Variants in CDC42BPB observed in about 807,000 individuals in gnomAD.
CDC42BPB encodes the protein serine/threonine-protein kinase MRCK beta.
Under a neutral mutation model 214.9 loss-of-function variants are expected in CDC42BPB, and 37 were observed. That is an observed-to-expected ratio of 0.17 (90% CI 0.13 to 0.23). The LOEUF (loss-of-function observed/expected upper bound fraction) is 0.23, where lower values mean the gene tolerates loss of function less well. CDC42BPB is among the 10% of genes least tolerant of loss of function. The pLI is 1.00. For missense variants in CDC42BPB, 1,694 were observed against 2,227.0 expected (o/e 0.76, Z 4.82); for synonymous variants, 931 against 884.0 (o/e 1.05, Z -0.94).
intron 21 of CDC42BPB, among the ~76,000 whole-genome samples, chr14:102,957,221 A>AAAG (rs1381422240): frequency 1.1e-4 from 16 of 150,616 alleles, no homozygotes; most frequent in Non-Finnish European, 2.1e-4. Flanking sequence ...AAAAAAAAAA[A>AAAG]AAGGGAGGGA....
rs36096402 is a variant in CDC42BPB at position 102,943,582 on chromosome 14, C to A, written c.4408+309G>T. ...TAAATGAGAGATGAATGCCACGCCC[C>A]GTTCTCGGTTCGCCGAGCCCTTCTG... On this transcript the variant is annotated intron_variant, in intron 30 of 36. Coordinates refer to ENST00000361246, the MANE Select transcript of CDC42BPB (RefSeq NM_006035.4). The surrounding 1 kb of genome is among the most constrained non-coding windows in gnomAD (Gnocchi z 4.6). Among the ~76,000 whole-genome samples the A allele has an allele frequency of 0.011, 1,691 of 152,262 alleles. 39 individuals are homozygous for A. The highest frequency in any genetic ancestry group is 0.039 in the African/African-American group (1,626 of 41,542).
At chr14:103,035,205 GTGCCACCA>G (rs1430291631) in intron 1 of CDC42BPB, among the ~76,000 whole-genome samples, 1 of 151,966 alleles carries the variant, frequency 6.6e-6, no homozygotes, top group African/African-American at 2.4e-5. Flanking sequence ...TTACAGGCAT[GTGCCACCA>G]TGCCCGGCTA....
rs766525858 is a variant in CDC42BPB at position 102,944,296 on chromosome 14, T to C, written c.4003A>G (p.Thr1335Ala). ...TKGCQLMATA[T>A]LKRNSGTCLF... ...CAGGTGCCAGAGTTCCTCTTGAGTG[T>C]GGCCGTGGCCATGAGCTGGCAGCCT... Residue 1335 changes from threonine to alanine, a missense_variant, in exon 30 of 37, where the codon ACA becomes GCA. Thr to Ala is a moderately conservative substitution (Grantham distance 58). This residue lies in a region of CDC42BPB where 567 missense variants were observed against 790.3 expected (regional missense o/e 0.72). Transcript: ENST00000361246. This position sits in a 1 kb window ranked among gnomAD's most constrained non-coding sequence, Gnocchi z 6.6. 2.2e-4 allele frequency: 354 copies of C among 1,613,004 alleles called. No individual in the cohort carries two copies. The highest frequency in any genetic ancestry group is 2.8e-4 in the Non-Finnish European group (335 of 1,180,040).
At chr14:102,946,032 G>A (rs1406658809) in intron 28 of CDC42BPB, among the ~76,000 whole-genome samples, 5 of 151,952 alleles carry the variant, frequency 3.3e-5, no homozygotes, top group South Asian at 2.1e-4. Context: ...TTTTTGAGAC[G>A]GAGTCTCGGT....
At chr14:102,986,202 G>A in intron 6 of CDC42BPB, 1 of 346,158 alleles carries the variant, frequency 2.9e-6, no homozygotes, top group South Asian at 3.0e-5. Flanking sequence ...CTACAGGGCT[G>A]GCATGCTTTT....
intron 13 of CDC42BPB, among the ~76,000 whole-genome samples, chr14:102,970,743 C>T (rs761192369): frequency 1.8e-4 from 27 of 152,188 alleles, no homozygotes; most frequent in Non-Finnish European, 2.8e-4. Flanking sequence ...TATCACTTCC[C>T]CCATATGTGG....
chr14:102,987,788 A>AAC (rs57579935), intron 5 of CDC42BPB, among the ~76,000 whole-genome samples: 59,045 of 140,444 alleles, frequency 0.42, 12,191 homozygotes, highest in East Asian at 0.55. Flanking sequence ...CAAACACACA[A>AAC]ACACACACAC....
At chr14:102,990,567 A>G (rs1391313227) in intron 5 of CDC42BPB, among the ~76,000 whole-genome samples, 2 of 152,202 alleles carry the variant, frequency 1.3e-5, no homozygotes, top group African/African-American at 2.4e-5. Flanking sequence ...GTGTGTGTCC[A>G]TGAGTGTGTC....
At chr14:102,939,285 G>A (rs7148717) in intron 34 of CDC42BPB, among the ~76,000 whole-genome samples, 129 of 152,340 alleles carry the variant, frequency 8.5e-4, no homozygotes, top group African/African-American at 3.0e-3. Context: ...CTATCTGTTG[G>A]TACGAAGGTG....
chr14:103,053,831 C>G (rs1460656929), intron 1 of CDC42BPB, among the ~76,000 whole-genome samples: 1 of 151,052 alleles, frequency 6.6e-6, no homozygotes, highest in Non-Finnish European at 1.5e-5. Context: ...AAATATGAGC[C>G]AAAAATAATC....
intron 4 of CDC42BPB, 75 bp downstream of exon 4, chr14:103,003,853 T>C (rs1322238779): frequency 8.1e-7 from 1 of 1,228,308 alleles, no homozygotes; most frequent in East Asian, 2.5e-5. Flanking sequence ...ATTGTCTGAC[T>C]GAATTTTTAG....
intron 26 of CDC42BPB, among the ~76,000 whole-genome samples, 194 bp downstream of exon 26, chr14:102,949,571 C>T (rs1358561161): frequency 3.9e-5 from 6 of 152,136 alleles, no homozygotes; most frequent in Non-Finnish European, 5.9e-5. Flanking sequence ...CACGCAGGCC[C>T]GTATGCATGT....
chr14:103,033,929 T>C (rs1009044154), intron 1 of CDC42BPB, among the ~76,000 whole-genome samples: 11 of 152,184 alleles, frequency 7.2e-5, no homozygotes, highest in African/African-American at 2.7e-4. Context: ...TTTGTTTTAT[T>C]GCTGGCATTC....
intron 7 of CDC42BPB, among the ~76,000 whole-genome samples, chr14:102,983,181 C>A (rs919354040): frequency 1.3e-5 from 2 of 152,154 alleles, no homozygotes; most frequent in Non-Finnish European, 2.9e-5. Context: ...ACCTGGACCT[C>A]CCCACTGGCT....
chr14:103,007,000 G>A (rs1478206831), intron 3 of CDC42BPB, among the ~76,000 whole-genome samples: 7 of 152,264 alleles, frequency 4.6e-5, no homozygotes, highest in South Asian at 2.1e-4. Context: ...TGTTTGGGGC[G>A]GGGAAAGGGC....
At chr14:103,021,318 T>C (rs911838221) in intron 1 of CDC42BPB, among the ~76,000 whole-genome samples, 3 of 152,108 alleles carry the variant, frequency 2.0e-5, no homozygotes, top group African/African-American at 7.2e-5. Context: ...TTAAAAAAAT[T>C]AGCCAGGCGT....
intron 13 of CDC42BPB, 148 bp from the exon 14 acceptor site, chr14:102,970,409 T>C: frequency 7.2e-7 from 1 of 1,383,778 alleles, no homozygotes; most frequent in Non-Finnish European, 9.4e-7. Flanking sequence ...CAAATTAAAG[T>C]TTGAGAAATA....
chr14:102,989,821 T>C (rs1490599698), intron 5 of CDC42BPB, among the ~76,000 whole-genome samples: 1 of 149,564 alleles, frequency 6.7e-6, no homozygotes, highest in Non-Finnish European at 1.5e-5. Flanking sequence ...ATCGCACCAC[T>C]GCGCGCCAGC....
intron 20 of CDC42BPB, among the ~76,000 whole-genome samples, chr14:102,960,566 T>G (rs1001092293): frequency 1.8e-4 from 28 of 151,922 alleles, no homozygotes; most frequent in African/African-American, 6.3e-4. Context: ...AGGCTGCACG[T>G]GCCACTGCAT....
Sources: allele counts gnomAD v4.1 joint callset (sites outside exome capture counted in the v4.1 genomes callset), GRCh38; gene constraint gnomAD v4.1.1; regional missense constraint gnomAD v4.1.1; non-coding constraint Gnocchi (gnomAD v3.1); transcripts MANE v1.5; gene names NCBI Gene and HGNC (gene_info 2026-07-23, HGNC 2026-07-21).